Variants in MARK1 observed in about 807,000 individuals in gnomAD.
MARK1 encodes the protein serine/threonine-protein kinase MARK1.
In MARK1, 40 loss-of-function variants were observed where a neutral mutation model predicts 96.3. That is an observed-to-expected ratio of 0.42 (90% CI 0.32 to 0.54). The LOEUF is 0.54. Ranked by LOEUF, MARK1 falls within the 20% of genes least tolerant of loss-of-function variation. The pLI, the probability that MARK1 is intolerant of heterozygous loss-of-function variation, is 0.16. For missense variants in MARK1, 719 were observed against 984.6 expected (o/e 0.73, Z 3.61); for synonymous variants, 317 against 341.2 (o/e 0.93, Z 0.78).
intron 9 of MARK1, among the ~76,000 whole-genome samples, chr1:220,628,533 C>T (rs940499889): frequency 1.3e-5 from 2 of 152,152 alleles, no homozygotes; most frequent in Admixed American, 6.5e-5. Flanking sequence ...CTCTCCTCTT[C>T]GAACTCTTTC....
intron 9 of MARK1, among the ~76,000 whole-genome samples, chr1:220,630,403 C>A (rs539546846): frequency 6.6e-6 from 1 of 152,130 alleles, no homozygotes; most frequent in Admixed American, 6.6e-5. Flanking sequence ...TAGTTGGCCC[C>A]CACAAGGTTG....
At chr1:220,555,037 T>G (rs1179511117) in intron 1 of MARK1, among the ~76,000 whole-genome samples, 2 of 152,188 alleles carry the variant, frequency 1.3e-5, no homozygotes, top group Non-Finnish European at 2.9e-5. Flanking sequence ...TAGCAGATGC[T>G]GAGTACATGT....
intron 1 of MARK1, chr1:220,572,067 A>G (rs1223194213): frequency 2.0e-5 from 3 of 152,218 alleles, no homozygotes; most frequent in Non-Finnish European, 2.9e-5. Context: ...ATCCTTTGAT[A>G]AAAAGACAAG....
intron 1 of MARK1, among the ~76,000 whole-genome samples, chr1:220,578,897 C>A (rs1285096831): frequency 6.6e-6 from 1 of 152,076 alleles, no homozygotes; most frequent in African/African-American, 2.4e-5. Flanking sequence ...GGCTGGAGTG[C>A]ACTGACATGA....
At chr1:220,550,818 A>T (rs1661806260) in intron 1 of MARK1, among the ~76,000 whole-genome samples, 1 of 152,254 alleles carries the variant, frequency 6.6e-6, no homozygotes, top group Non-Finnish European at 1.5e-5. Flanking sequence ...TTTTAGAAGT[A>T]AGAACGTTGC....
intron 5 of MARK1, among the ~76,000 whole-genome samples, chr1:220,602,830 A>G (rs908264341): frequency 2.0e-5 from 3 of 152,080 alleles, no homozygotes; most frequent in Admixed American, 1.3e-4. Context: ...TTTATATCCT[A>G]GGATTGATAT....
rs138111751 is a variant in MARK1 at position 220,622,353 on chromosome 1, G to A, written c.909+3598G>A. Among the ~76,000 whole-genome samples, 342 of 152,066 alleles carry A rather than the reference G, an allele frequency of 2.2e-3. 1 individual carries two copies. Among genetic ancestry groups the A allele is most frequent in the African/African-American group, 7.6e-3 (315 of 41,470 alleles). ...CTCCTCTTATTGCCCTCTCTTTGTC[G>A]TCATTGGTCCTCCCATAAAAGTGTT... is the stretch of plus-strand genomic sequence containing the variant. On this transcript the variant is annotated intron_variant, in intron 9 of 17. Transcript: ENST00000366917.
At chr1:220,651,213 A>C (rs1395164807) in intron 14 of MARK1, among the ~76,000 whole-genome samples, 1 of 152,182 alleles carries the variant, frequency 6.6e-6, no homozygotes, top group Admixed American at 6.5e-5. Context: ...TTATTACTTA[A>C]AAGATGTGTC....
At position 220,528,634 on chromosome 1, in the gene MARK1, CCCT is replaced by C. The variant is rs1660079955; in HGVS notation, c.-184_-182del. ...CGGCGCCGCCGCGGGAAGCGGCTCC[CCCT>C]CCTCTTCCTCCGCGTCCTCTTCCCT... On this transcript the variant is annotated 5_prime_UTR_variant, in exon 1 of 18. Transcript: ENST00000366917. The C allele has an allele frequency of 4.0e-6, 2 of 502,708 alleles. No individual in the cohort carries two copies. The highest frequency in any genetic ancestry group is 7.0e-6 in the Non-Finnish European group (2 of 285,852). 31.1% of individuals were successfully genotyped at this position (502,708 alleles called of 1,614,324 possible). A position where few individuals can be genotyped will look rare whatever the true frequency, so the allele number is the denominator to read the frequency against.
At position 220,625,025 on chromosome 1, in the gene MARK1, CT is replaced by C. The variant is rs571248709; in HGVS notation, c.910-6008del. ...TTCTCTTTCCTGGACGTTATAACAA[CT>C]TCGTAAGGTGTCTTCTTGTTGCTAA... On this transcript the variant is annotated intron_variant, in intron 9 of 17. Coordinates refer to ENST00000366917, the MANE Select transcript of MARK1 (RefSeq NM_018650.5). Among the ~76,000 whole-genome samples the C allele has an allele frequency of 4.3e-4, 66 of 152,318 alleles. 1 individual carries two copies. Among genetic ancestry groups the C allele is most frequent in the African/African-American group, 1.4e-3 (57 of 41,574 alleles).
chr1:220,631,161 G>A, intron 10 of MARK1, 27 bp downstream of exon 10: 1 of 1,506,332 alleles, frequency 6.6e-7, no homozygotes, highest in Non-Finnish European at 9.2e-7. Context: ...GGTAAGAAGT[G>A]CTGTCCCTAG....
At chr1:220,591,347 G>T (rs1166769318) in intron 3 of MARK1, among the ~76,000 whole-genome samples, 1 of 152,130 alleles carries the variant, frequency 6.6e-6, no homozygotes, top group African/African-American at 2.4e-5. Context: ...TGTCCCAGCC[G>T]ATTCTAAGAG....
chr1:220,597,554 A>G (rs1031220011), intron 3 of MARK1, among the ~76,000 whole-genome samples: 8 of 152,274 alleles, frequency 5.3e-5, no homozygotes, highest in Non-Finnish European at 1.2e-4. Flanking sequence ...GTCACCTCTG[A>G]AAGTAGTAAC....
chr1:220,532,848 A>G (rs920565954), intron 1 of MARK1, among the ~76,000 whole-genome samples: 2 of 152,034 alleles, frequency 1.3e-5, no homozygotes, highest in Non-Finnish European at 2.9e-5. Flanking sequence ...TCCACTAAAA[A>G]TACAAAAATA....
At chr1:220,562,428 C>A (rs1662734472) in intron 1 of MARK1, among the ~76,000 whole-genome samples, 1 of 152,154 alleles carries the variant, frequency 6.6e-6, no homozygotes, top group Non-Finnish European at 1.5e-5. Context: ...CAAGATAGCG[C>A]CACTGCACTC....
intron 3 of MARK1, among the ~76,000 whole-genome samples, chr1:220,586,533 GT>G (rs1222845049): frequency 2.0e-5 from 3 of 152,106 alleles, no homozygotes; most frequent in African/African-American, 7.2e-5. Context: ...TTTGGTAGTC[GT>G]TTGTTGATTT....
Position 220,599,868 on chromosome 1 carries a change from G to C in MARK1, c.424+5G>C, listed in dbSNP as rs1403438589. On this transcript the variant is annotated splice_donor_5th_base_variant and intron_variant, in intron 5 of 17. Coordinates refer to ENST00000366917, the MANE Select transcript of MARK1 (RefSeq NM_018650.5). The stretch of plus-strand genomic sequence containing the variant: ...TCATGGAATACGCGAGTGGGGGTAA[G>C]AATGAGGGTGATTGAAAAGTTCTCT... The C allele has an allele frequency of 6.3e-7, 1 of 1,595,060 alleles. No homozygotes were observed. The highest frequency in any genetic ancestry group is 8.6e-7 in the Non-Finnish European group (1 of 1,169,158).
intron 1 of MARK1, among the ~76,000 whole-genome samples, chr1:220,549,039 C>G (rs1661690120): frequency 6.6e-6 from 1 of 152,130 alleles, no homozygotes; most frequent in African/African-American, 2.4e-5. Context: ...ACAGGCTCAG[C>G]CACTCCCTGT....
intron 1 of MARK1, among the ~76,000 whole-genome samples, chr1:220,541,803 A>G (rs1180361761): frequency 6.6e-6 from 1 of 152,196 alleles, no homozygotes; most frequent in Non-Finnish European, 1.5e-5. Context: ...CTTGTACACA[A>G]CATATAGTTG....
Sources: allele counts gnomAD v4.1 joint callset (sites outside exome capture counted in the v4.1 genomes callset), GRCh38; gene constraint gnomAD v4.1.1; transcripts MANE v1.5; gene names NCBI Gene and HGNC (gene_info 2026-07-23, HGNC 2026-07-21).